Variants in KCTD16 observed in about 807,000 individuals in gnomAD.
KCTD16 encodes the protein BTB/POZ domain-containing protein KCTD16.
A neutral mutation model predicts 33.2 loss-of-function variants in KCTD16; 13 were observed. That is an observed-to-expected ratio of 0.39 (90% confidence interval 0.25 to 0.62). KCTD16 has a LOEUF of 0.62. Ranked by LOEUF, KCTD16 falls within the 20% of genes least tolerant of loss-of-function variation. The probability of loss-of-function intolerance (pLI) is 0.50; values close to 1 mark genes in which losing one functional copy is unlikely to be tolerated. For synonymous variants in KCTD16, 197 were observed against 195.3 expected (o/e 1.01, Z -0.07); for missense variants, 441 against 525.1 (o/e 0.84, Z 1.57).
intron 3 of KCTD16, among the ~76,000 whole-genome samples, chr5:144,321,086 T>C (rs1453732861): frequency 6.6e-6 from 1 of 152,038 alleles, no homozygotes; most frequent in Non-Finnish European, 1.5e-5. Flanking sequence ...AACTCCTGAC[T>C]TCAAGTGATC....
chr5:144,377,954 C>T (rs1752129301), intron 3 of KCTD16: 1 of 152,196 alleles, frequency 6.6e-6, no homozygotes, highest in Non-Finnish European at 1.5e-5. Flanking sequence ...TAAGGGAAAG[C>T]ATGAATGTAT....
chr5:144,254,110 G>A (rs1235500537), intron 3 of KCTD16, among the ~76,000 whole-genome samples: 1 of 151,414 alleles, frequency 6.6e-6, no homozygotes, highest in African/African-American at 2.4e-5. Context: ...CAATCTGGTT[G>A]GCAAATGCAT....
chr5:144,260,209 G>C (rs192322654), intron 3 of KCTD16, among the ~76,000 whole-genome samples: 77 of 152,276 alleles, frequency 5.1e-4, no homozygotes, highest in Admixed American at 1.1e-3. Context: ...CTCTCCTGTG[G>C]CTCCATATGC....
intron 3 of KCTD16, among the ~76,000 whole-genome samples, chr5:144,412,673 G>A (rs1752958285): frequency 1.3e-5 from 2 of 152,084 alleles, no homozygotes; most frequent in Non-Finnish European, 2.9e-5. Context: ...ATCACTTGAG[G>A]TCAGGAGTTC....
At chr5:144,251,109 T>C (rs1218500211) in intron 3 of KCTD16, among the ~76,000 whole-genome samples, 1 of 152,184 alleles carries the variant, frequency 6.6e-6, no homozygotes, top group Non-Finnish European at 1.5e-5. Flanking sequence ...GTTTGGGATC[T>C]GTGTAGAGAA....
At chr5:144,333,462 G>A (rs1378868659) in intron 3 of KCTD16, among the ~76,000 whole-genome samples, 2 of 152,160 alleles carry the variant, frequency 1.3e-5, no homozygotes, top group East Asian at 3.9e-4. Flanking sequence ...AAAATAATAA[G>A]CCTTTATGTA....
chr5:144,220,841 T>C (rs1016077998), intron 3 of KCTD16, among the ~76,000 whole-genome samples: 1 of 151,096 alleles, frequency 6.6e-6, no homozygotes, highest in African/African-American at 2.4e-5. Flanking sequence ...CCTGGGAGGC[T>C]GAGGCAGGAG....
intron 3 of KCTD16, among the ~76,000 whole-genome samples, chr5:144,242,724 T>A (rs796942124): frequency 1.3e-5 from 2 of 152,106 alleles, no homozygotes; most frequent in South Asian, 4.1e-4. Context: ...GGAGAGCTGA[T>A]GTGTGTAGAG....
At chr5:144,412,099 A>G (rs541893773) in intron 3 of KCTD16, among the ~76,000 whole-genome samples, 2 of 152,338 alleles carry the variant, frequency 1.3e-5, no homozygotes, top group South Asian at 2.1e-4. Flanking sequence ...TACAGCCACT[A>G]TGGAAAACTA....
chr5:144,395,475 A>G (rs1199579997), intron 3 of KCTD16, among the ~76,000 whole-genome samples: 2 of 152,162 alleles, frequency 1.3e-5, no homozygotes, highest in African/African-American at 2.4e-5. Context: ...TCTTATGGAT[A>G]TATTAAGGGC....
At chr5:144,296,859 G>A (rs1389586975) in intron 3 of KCTD16, among the ~76,000 whole-genome samples, 1 of 152,154 alleles carries the variant, frequency 6.6e-6, no homozygotes, top group Admixed American at 6.5e-5. Flanking sequence ...AATTCTAGAT[G>A]AATTGTTCTT....
intron 3 of KCTD16, among the ~76,000 whole-genome samples, chr5:144,283,792 A>G (rs1372959914): frequency 6.6e-6 from 1 of 152,184 alleles, no homozygotes; most frequent in Non-Finnish European, 1.5e-5. Flanking sequence ...TTCCTGAGCA[A>G]ATGAAGGGCA....
chr5:144,381,654 C>T (rs1391633920), intron 3 of KCTD16, among the ~76,000 whole-genome samples: 1 of 152,136 alleles, frequency 6.6e-6, no homozygotes, highest in East Asian at 1.9e-4. Context: ...GAACTCAGAG[C>T]AGGAGCTCAC....
chr5:144,224,964 G>A (rs1468107520), intron 3 of KCTD16, among the ~76,000 whole-genome samples: 1 of 152,150 alleles, frequency 6.6e-6, no homozygotes, highest in Admixed American at 6.5e-5. Context: ...CTGGCTTTAA[G>A]TTTAAGAAAA....
chr5:144,358,456 T>C (rs1280899101), intron 3 of KCTD16, among the ~76,000 whole-genome samples: 1 of 152,224 alleles, frequency 6.6e-6, no homozygotes, highest in Admixed American at 6.5e-5. Flanking sequence ...TGAACTCATA[T>C]ATTTATTGAA....
At chr5:144,225,192 G>A (rs1753892588) in intron 3 of KCTD16, among the ~76,000 whole-genome samples, 1 of 152,096 alleles carries the variant, frequency 6.6e-6, no homozygotes, top group Admixed American at 6.6e-5. Flanking sequence ...GCCTCTAGTG[G>A]GGTGTGTGGA....
chr5:144,199,556 A>G (rs1753002235), intron 2 of KCTD16, among the ~76,000 whole-genome samples: 1 of 152,100 alleles, frequency 6.6e-6, no homozygotes, highest in Non-Finnish European at 1.5e-5. Context: ...TCATTTGCCA[A>G]CCCATTTTCA....
At chr5:144,236,198 A>T (rs1754248570) in intron 3 of KCTD16, among the ~76,000 whole-genome samples, 1 of 152,160 alleles carries the variant, frequency 6.6e-6, no homozygotes, top group African/African-American at 2.4e-5. Context: ...TTATCAGATA[A>T]TAAGTGCTAT....
chr5:144,467,115 C>CTATA, intron 3 of KCTD16, among the ~76,000 whole-genome samples: 1 of 138,650 alleles, frequency 7.2e-6, no homozygotes, highest in South Asian at 2.2e-4. Context: ...ATATATAACA[C>CTATA]TATATATATT....
Sources: allele counts gnomAD v4.1 joint callset (sites outside exome capture counted in the v4.1 genomes callset), GRCh38; gene constraint gnomAD v4.1.1; transcripts MANE v1.5; gene names NCBI Gene and HGNC (gene_info 2026-07-23, HGNC 2026-07-21).